PDE8B: variants seen among roughly 807,000 people sequenced by gnomAD.
PDE8B encodes phosphodiesterase 8B, also known as high affinity cAMP-specific and IBMX-insensitive 3',5'-cyclic phosphodiesterase 8B.
PDE8B carries 26 observed loss-of-function variants against 101.3 expected under a neutral mutation model. The observed-to-expected ratio is 0.26, with a 90% confidence interval of 0.19 to 0.36. The LOEUF is 0.36. Among genes scored for constraint, PDE8B ranks in the 10% least tolerant of loss-of-function variants. PDE8B has a pLI of 1.00. For synonymous variants in PDE8B, 424 were observed against 429.3 expected (o/e 0.99, Z 0.15); for missense variants, 810 against 1,163.1 (o/e 0.70, Z 4.42).
chr5:77,420,179 T>C (rs529637341), intron 19 of PDE8B, among the ~76,000 whole-genome samples: 4 of 152,280 alleles, frequency 2.6e-5, no homozygotes, highest in African/African-American at 9.6e-5. Context: ...CTGGCATAAA[T>C]GGTGGTATTT....
At chr5:77,262,569 A>G (rs1463148262) in intron 1 of PDE8B, among the ~76,000 whole-genome samples, 1 of 152,252 alleles carries the variant, frequency 6.6e-6, no homozygotes, top group African/African-American at 2.4e-5. Flanking sequence ...TATCAGGTGC[A>G]TATATTGCAT....
intron 10 of PDE8B, among the ~76,000 whole-genome samples, chr5:77,373,072 T>C (rs1277588667): frequency 6.6e-6 from 1 of 152,166 alleles, no homozygotes; most frequent in Non-Finnish European, 1.5e-5. Context: ...CTTTCATTTC[T>C]TTATTTGTGT....
At chr5:77,343,121 G>C (rs1779514830) in intron 6 of PDE8B, among the ~76,000 whole-genome samples, 1 of 152,104 alleles carries the variant, frequency 6.6e-6, no homozygotes, top group African/African-American at 2.4e-5. Flanking sequence ...AATTCTTTTT[G>C]TATCATACAC....
At chr5:77,096,203 G>C in the PDE8B span, among the ~76,000 whole-genome samples, 2 of 152,134 alleles carry the variant, frequency 1.3e-5, no homozygotes, top group Non-Finnish European at 2.9e-5. Flanking sequence ...TTGGCAGGCT[G>C]GTCTTGAACT....
In PDE8B at chr5:77,225,857, C is replaced by CACACACACACAT. The variant is rs1455821254; in HGVS notation, c.339+14604_339+14605insTACACACACACA. On this transcript the variant is annotated intron_variant, in intron 1 of 21. Transcript: ENST00000264917. Reference sequence around the variant, plus strand: ...GATCCCACATGCGCGTGCACACACACACACACACACACACACACACACACC... The same window carrying CACACACACACAT: ...GATCCCACATGCGCGTGCACACACACACACACACACATACACACACACACACACACACACACC... Among the ~76,000 whole-genome samples, 567 of 143,274 alleles carry CACACACACACAT rather than the reference C, an allele frequency of 4.0e-3. 2 individuals are homozygous for CACACACACACAT. The highest frequency in any genetic ancestry group is 0.014 in the African/African-American group (538 of 37,672). 94.0% of individuals were successfully genotyped at this position (143,274 alleles called of 152,430 possible).
the PDE8B span, among the ~76,000 whole-genome samples, chr5:77,202,932 CAT>C: frequency 2.6e-5 from 4 of 152,316 alleles, no homozygotes; most frequent in African/African-American, 9.6e-5. Flanking sequence ...TCAAAAGTAA[CAT>C]GTGGATTTTC....
chr5:77,256,664 C>T (rs1162230011), intron 1 of PDE8B, among the ~76,000 whole-genome samples: 1 of 152,110 alleles, frequency 6.6e-6, no homozygotes, highest in African/African-American at 2.4e-5. Flanking sequence ...CAGATTTATT[C>T]TATTCTGTAC....
intron 5 of PDE8B, among the ~76,000 whole-genome samples, chr5:77,332,146 G>C (rs541798428): frequency 6.6e-6 from 1 of 152,096 alleles, no homozygotes; most frequent in Non-Finnish European, 1.5e-5. Context: ...GAGAAGAAAG[G>C]GAGGAGGAAA....
chr5:77,408,839 T>C, intron 13 of PDE8B, 54 bp from the exon 14 acceptor site: 2 of 1,429,910 alleles, frequency 1.4e-6, no homozygotes, highest in Non-Finnish European at 2.0e-6. Flanking sequence ...ATATATGACT[T>C]TTGGGAAGTA....
At chr5:77,238,085 T>C (rs1755047781) in intron 1 of PDE8B, among the ~76,000 whole-genome samples, 1 of 152,212 alleles carries the variant, frequency 6.6e-6, no homozygotes, top group African/African-American at 2.4e-5. Context: ...TTGGAGTTTA[T>C]CGTGTTTTGA....
At chr5:77,352,491 T>C (rs1781338816) in intron 9 of PDE8B, among the ~76,000 whole-genome samples, 1 of 152,254 alleles carries the variant, frequency 6.6e-6, no homozygotes, top group Admixed American at 6.5e-5. Context: ...TCCAGTGTTA[T>C]TTTCCCTGTA....
chr5:77,294,001 T>G (rs1422730909), intron 1 of PDE8B, among the ~76,000 whole-genome samples: 1 of 152,216 alleles, frequency 6.6e-6, no homozygotes, highest in Non-Finnish European at 1.5e-5. Context: ...TGGTTTGTGT[T>G]TTTATTCTTC....
At chr5:77,364,239 G>A (rs1783694095) in intron 10 of PDE8B, among the ~76,000 whole-genome samples, 3 of 152,182 alleles carry the variant, frequency 2.0e-5, no homozygotes, top group African/African-American at 4.8e-5. Context: ...CAGCATTTCA[G>A]TTCAGCTTTC....
intron 10 of PDE8B, among the ~76,000 whole-genome samples, chr5:77,382,065 C>T (rs1306483496): frequency 6.6e-6 from 1 of 152,098 alleles, no homozygotes. Context: ...AATTTTCAGC[C>T]ATCAATCCGT....
chr5:77,250,754 C>A lies in PDE8B; in HGVS notation c.339+39490C>A, dbSNP rs182827037. On this transcript the variant is annotated intron_variant, in intron 1 of 21. Transcript: ENST00000264917. ...CTTTCCAGCCTGGGTCATTGGTGGC[C>A]TCAGGATTCACTGACAAGTCCAGAA... Among the ~76,000 whole-genome samples the A allele has an allele frequency of 3.8e-4, 58 of 152,230 alleles. No homozygotes were observed. In the East Asian group the frequency reaches 9.1e-3, roughly 24 times the overall value.
At chr5:77,203,557 T>C in the PDE8B span, among the ~76,000 whole-genome samples, 2 of 152,224 alleles carry the variant, frequency 1.3e-5, no homozygotes, top group Non-Finnish European at 2.9e-5. Context: ...TTCCCTTTGA[T>C]AAAGTTTTCT....
At chr5:77,290,113 G>A (rs1201115288) in intron 1 of PDE8B, among the ~76,000 whole-genome samples, 6 of 152,226 alleles carry the variant, frequency 3.9e-5, no homozygotes, top group Non-Finnish European at 8.8e-5. Context: ...TCTCCAAGGG[G>A]TAAGTATTAT....
At chr5:77,425,279 G>GGCCA (rs1797796755) in intron 20 of PDE8B, among the ~76,000 whole-genome samples, 1 of 152,184 alleles carries the variant, frequency 6.6e-6, no homozygotes, top group African/African-American at 2.4e-5. Context: ...AGAGGCTTGG[G>GGCCA]GCCAGGCACA....
intron 11 of PDE8B, among the ~76,000 whole-genome samples, chr5:77,402,021 C>T (rs1348257728): frequency 1.3e-5 from 2 of 152,142 alleles, no homozygotes; most frequent in South Asian, 2.1e-4. Context: ...TTAGAAACTA[C>T]ATTTTGAGGA....
Sources: gnomAD v4.1 joint callset for allele counts (sites outside exome capture counted in the v4.1 genomes callset) on GRCh38, gnomAD v4.1.1 for gene constraint, MANE v1.5 for transcripts, NCBI Gene and HGNC (gene_info 2026-07-23, HGNC 2026-07-21) for gene names.